Variants in WNT9B observed in about 807,000 individuals in gnomAD.
WNT9B encodes the protein protein Wnt-9b.
A neutral mutation model predicts 30.2 loss-of-function variants in WNT9B; 12 were observed. That is an observed-to-expected ratio of 0.40 (90% CI 0.26 to 0.64). WNT9B has a LOEUF of 0.64. Among genes scored for constraint, WNT9B ranks in the 30% least tolerant of loss-of-function variants. The pLI is 0.42. For synonymous variants in WNT9B, 218 were observed against 216.9 expected (o/e 1.01, Z -0.05); for missense variants, 442 against 485.2 (o/e 0.91, Z 0.84).
At chr17:46,871,987 G>C (rs2085252134) in intron 1 of WNT9B, among the ~76,000 whole-genome samples, 3 of 152,204 alleles carry the variant, frequency 2.0e-5, no homozygotes, top group Non-Finnish European at 4.4e-5. Context: ...GTAAGGGAGA[G>C]AGGGATGTCA....
chr17:46,852,323 C>A (rs1310976179), intron 1 of WNT9B, among the ~76,000 whole-genome samples: 3 of 151,676 alleles, frequency 2.0e-5, no homozygotes, highest in African/African-American at 7.3e-5. Flanking sequence ...TGGGGAAATG[C>A]GACCACATCT....
rs188531720 is a variant in WNT9B at position 46,865,386 on chromosome 17, C to T, written c.78-7131C>T. Among the ~76,000 whole-genome samples, 1,073 of 152,136 alleles carry T rather than the reference C, an allele frequency of 7.1e-3. 20 individuals carry two copies. The highest frequency in any genetic ancestry group is 0.042 in the Admixed American group (638 of 15,274). ...GAGAGACAAAGCCTACAGCTGGACC[C>T]GGCTCTTTCCTCTCTGAGTCAGGGA... On this transcript the variant is annotated intron_variant, in intron 1 of 3. Coordinates refer to ENST00000290015, the MANE Select transcript of WNT9B (RefSeq NM_003396.3).
intron 1 of WNT9B, among the ~76,000 whole-genome samples, chr17:46,854,968 T>G (rs1372053574): frequency 6.6e-6 from 1 of 152,158 alleles, no homozygotes; most frequent in East Asian, 1.9e-4. Context: ...CCCATCACTT[T>G]CTCATACAGC....
At chr17:46,863,172 C>G (rs2085072274) in intron 1 of WNT9B, among the ~76,000 whole-genome samples, 1 of 152,204 alleles carries the variant, frequency 6.6e-6, no homozygotes, top group South Asian at 2.1e-4. Context: ...CCGCCCAGCC[C>G]CAGCTTGGGA....
intron 1 of WNT9B, among the ~76,000 whole-genome samples, chr17:46,865,803 G>A (rs1392091465): frequency 1.3e-5 from 2 of 152,058 alleles, no homozygotes; most frequent in African/African-American, 2.4e-5. Flanking sequence ...TAGAGACAAC[G>A]TCTCACTTAC....
Position 46,876,792 on chromosome 17 carries a change from T to C in WNT9B, c.*74T>C, listed in dbSNP as rs553351443. 2 of 1,464,260 alleles carry C rather than the reference T, an allele frequency of 1.4e-6. No individual in the cohort carries two copies. Among genetic ancestry groups the C allele is most frequent in the Non-Finnish European group, 1.8e-6 (2 of 1,104,498 alleles). 90.7% of individuals were successfully genotyped at this position (1,464,260 alleles called of 1,614,324 possible). A position where few individuals can be genotyped will look rare whatever the true frequency, so the allele number is the denominator to read the frequency against. On this transcript the variant is annotated 3_prime_UTR_variant, in exon 4 of 4. Transcript: ENST00000290015. ...ACCCTTCAAGCTGCCCAGCCGGCCC[T>C]CTGGGCAGACTGTCATCACATGCAT...
chr17:46,866,705 A>G (rs1287363356), intron 1 of WNT9B, among the ~76,000 whole-genome samples: 1 of 152,036 alleles, frequency 6.6e-6, no homozygotes, highest in Non-Finnish European at 1.5e-5. Flanking sequence ...GGCGTAATGC[A>G]CTACTCCTGG....
intron 1 of WNT9B, among the ~76,000 whole-genome samples, chr17:46,844,602 C>T (rs2084753148): frequency 6.6e-6 from 1 of 152,146 alleles, no homozygotes; most frequent in African/African-American, 2.4e-5. Context: ...CTCTAGGCAC[C>T]TATGAACTTC....
In WNT9B at chr17:46,845,707, C is replaced by G. The variant is rs1177344923; in HGVS notation, c.95+12267C>G. Among the ~76,000 whole-genome samples, 4 of 150,982 alleles carry G rather than the reference C, an allele frequency of 2.6e-5. No homozygotes were observed. In the East Asian group the frequency reaches 7.8e-4, roughly 30 times the overall value. On this transcript the variant is annotated intron_variant, in intron 1 of 2. Transcript: ENST00000575372. Reference sequence around the variant, plus strand: ...GTTTCACCATCTTGGCCAGGCTGCTCTCAAACTCCTGACCTTGTGATCCAA... The same window carrying G: ...GTTTCACCATCTTGGCCAGGCTGCTGTCAAACTCCTGACCTTGTGATCCAA...
At chr17:46,880,680 C>A (rs190019755), downstream of WNT9B, among the ~76,000 whole-genome samples, 2 of 152,272 alleles carry the variant, frequency 1.3e-5, no homozygotes, top group Non-Finnish European at 2.9e-5. Context: ...GGCAGTGGGG[C>A]CAGGATTGGA....
In WNT9B at chr17:46,877,478, A is replaced by C. The variant is rs935332764; in HGVS notation, c.*760A>C. Reference sequence around the variant, plus strand: ...GCTCAAAACTACCACCAGTGCAGGTAAGACAGGTGGGAGAACTAGCCACCA... The same window carrying C: ...GCTCAAAACTACCACCAGTGCAGGTCAGACAGGTGGGAGAACTAGCCACCA... On this transcript the variant is annotated 3_prime_UTR_variant, in exon 4 of 4. Coordinates refer to ENST00000290015, the MANE Select transcript of WNT9B (RefSeq NM_003396.3). Among the ~76,000 whole-genome samples the C allele has an allele frequency of 2.0e-5, 3 of 152,194 alleles. No homozygotes were observed. Among genetic ancestry groups the C allele is most frequent in the Non-Finnish European group, 4.4e-5 (3 of 68,038 alleles).
chr17:46,834,086 T>G (rs186837158), intron 1 of WNT9B, among the ~76,000 whole-genome samples: 144 of 152,236 alleles, frequency 9.5e-4, no homozygotes, highest in African/African-American at 3.2e-3. Flanking sequence ...TCTCAGCTAC[T>G]CGGGAGGCTG....
At chr17:46,885,135 T>C (rs781472730), downstream of WNT9B, 2 of 397,108 alleles carry the variant, frequency 5.0e-6, no homozygotes. Flanking sequence ...ATTACAGGCA[T>C]GCACCACCAC....
chr17:46,867,636 G>A (rs2085162180), intron 1 of WNT9B, among the ~76,000 whole-genome samples: 1 of 152,238 alleles, frequency 6.6e-6, no homozygotes, highest in Non-Finnish European at 1.5e-5. Flanking sequence ...AAACCTGGGA[G>A]AGCCATCTTC....
At chr17:46,844,889 C>T (rs1176493727) in intron 1 of WNT9B, among the ~76,000 whole-genome samples, 2 of 151,786 alleles carry the variant, frequency 1.3e-5, no homozygotes, top group Non-Finnish European at 2.9e-5. Flanking sequence ...CTTGTTGCCC[C>T]AGGGCTGGAG....
downstream of WNT9B, chr17:46,885,174 T>C (rs1278376524): frequency 3.0e-6 from 1 of 336,852 alleles, no homozygotes. Flanking sequence ...TTTTGGCTAA[T>C]TTTGTATTTT....
Position 46,876,410 on chromosome 17 carries a change from T to C in WNT9B, c.766T>C (p.Leu256=), listed in dbSNP as rs117893554. The C allele has an allele frequency of 1.5e-3, 2,456 of 1,613,862 alleles. 5 individuals are homozygous for C. The highest frequency in any genetic ancestry group is 2.0e-3 in the Non-Finnish European group (2,322 of 1,180,046). The change falls in exon 4 of 4, where the codon TTG becomes CTG. Residue 256 remains leucine (L), a synonymous_variant. Coordinates refer to ENST00000290015, the MANE Select transcript of WNT9B (RefSeq NM_003396.3). The part of the protein sequence containing the change: ...VKVSSATNEA[L]GRLELWAPAR... ...GGTGTCCAGTGCCACCAATGAGGCCTTGGGCCGCCTAGAGCTGTGGGCCCC... is the reference window on the plus strand; with the variant it reads ...GGTGTCCAGTGCCACCAATGAGGCCCTGGGCCGCCTAGAGCTGTGGGCCCC...
Position 46,872,586 on chromosome 17 carries a change from G to A in WNT9B, c.147G>A (p.Gly49=). The change falls in exon 2 of 4, where the codon GGG becomes GGA. Residue 49 remains glycine (G), a synonymous_variant. Transcript: ENST00000290015. ...CTGCGGCAGCCCCGGCACAGGGCGG[G>A]GCCCACCTGAAGCAGTGTGACCTGC... ...LGTAAAPAQG[G]AHLKQCDLLK... 1.2e-6 allele frequency: 2 copies of A among 1,610,128 alleles called. No individual in the cohort carries two copies. The highest frequency in any genetic ancestry group is 1.1e-5 in the South Asian group (1 of 90,374).
At chr17:46,871,364 G>A (rs1027119194) in intron 1 of WNT9B, among the ~76,000 whole-genome samples, 2 of 152,186 alleles carry the variant, frequency 1.3e-5, no homozygotes. Flanking sequence ...ATCTCACAGA[G>A]AGCTTCTGGG....
Sources: allele counts gnomAD v4.1 joint callset (sites outside exome capture counted in the v4.1 genomes callset), GRCh38; gene constraint gnomAD v4.1.1; transcripts MANE v1.5; gene names NCBI Gene and HGNC (gene_info 2026-07-23, HGNC 2026-07-21).